Variants in ANO4 observed in about 807,000 individuals in gnomAD.
ANO4 encodes the protein anoctamin 4.
In ANO4, 69 loss-of-function variants were observed where a neutral mutation model predicts 141.9. The observed-to-expected ratio is 0.49, with a 90% CI of 0.40 to 0.59. ANO4 has a LOEUF of 0.59. Ranked by LOEUF, ANO4 falls within the 20% of genes least tolerant of loss-of-function variation. ANO4 has a pLI of 0.00. For synonymous variants in ANO4, 350 were observed against 394.3 expected, an observed-to-expected ratio of 0.89 and a Z score of 1.33; for missense variants, 894 against 1,162.2, an observed-to-expected ratio of 0.77 and a Z score of 3.36.
chr12:100,907,426 A>C (rs2040896186), intron 2 of ANO4, among the ~76,000 whole-genome samples: 2 of 152,184 alleles, frequency 1.3e-5, no homozygotes, highest in Admixed American at 6.5e-5. Flanking sequence ...TTATAGTCAG[A>C]ATTATTCCCC....
At chr12:101,094,337 G>T in intron 18 of ANO4, 45 bp downstream of exon 18, 1 of 1,509,392 alleles carries the variant, frequency 6.6e-7, no homozygotes, top group Non-Finnish European at 9.1e-7. Context: ...CTGTGGGCTA[G>T]AGAGTATGGT....
intron 9 of ANO4, among the ~76,000 whole-genome samples, chr12:101,031,866 A>G (rs552017101): frequency 1.3e-5 from 2 of 152,346 alleles, no homozygotes; most frequent in South Asian, 4.1e-4. Flanking sequence ...CTAGGAATAC[A>G]GCTAACAAGG....
intron 14 of ANO4, among the ~76,000 whole-genome samples, chr12:101,063,778 T>TTTTTTTTA (rs2048456888): frequency 7.9e-6 from 1 of 126,428 alleles, no homozygotes; most frequent in African/African-American, 3.1e-5. Context: ...TTTTTTTTTT[T>TTTTTTTTA]GCCTTTGAAA....
At chr12:101,022,984 C>T (rs1593043174) in intron 9 of ANO4, among the ~76,000 whole-genome samples, 1 of 152,268 alleles carries the variant, frequency 6.6e-6, no homozygotes, top group Non-Finnish European at 1.5e-5. Context: ...TGTGATCCGC[C>T]TGCCTCGGCC....
chr12:101,044,540 G>A (rs2047547777), intron 13 of ANO4, among the ~76,000 whole-genome samples: 2 of 152,146 alleles, frequency 1.3e-5, no homozygotes, highest in South Asian at 4.1e-4. Context: ...AGATATAAAT[G>A]GCATTGGCAG....
chr12:100,979,430 T>A (rs781210648), intron 7 of ANO4, among the ~76,000 whole-genome samples: 1 of 152,112 alleles, frequency 6.6e-6, no homozygotes, highest in Non-Finnish European at 1.5e-5. Context: ...TGTGCTGATG[T>A]TACTGATCCT....
intron 1 of ANO4, among the ~76,000 whole-genome samples, chr12:100,826,282 A>G (rs915200152): frequency 1.4e-4 from 12 of 83,836 alleles, no homozygotes; most frequent in African/African-American, 6.0e-4. Flanking sequence ...ATGTTTGAAG[A>G]TGGAATTGAG....
At chr12:101,014,996 A>T (rs1593017689) in intron 8 of ANO4, among the ~76,000 whole-genome samples, 1 of 143,524 alleles carries the variant, frequency 7.0e-6, no homozygotes, top group Non-Finnish European at 1.5e-5. Flanking sequence ...CACCCAGCTA[A>T]TTTTTTTTTT....
At chr12:100,834,636 G>A (rs909130318) in intron 1 of ANO4, among the ~76,000 whole-genome samples, 1 of 152,038 alleles carries the variant, frequency 6.6e-6, no homozygotes, top group Non-Finnish European at 1.5e-5. Context: ...CTTGTATTTT[G>A]GTGGCAAGGT....
At chr12:100,970,188 C>T (rs1386749063) in intron 5 of ANO4, among the ~76,000 whole-genome samples, 1 of 152,216 alleles carries the variant, frequency 6.6e-6, no homozygotes, top group Non-Finnish European at 1.5e-5. Flanking sequence ...CCAACTTTTG[C>T]TTTTGCCTGG....
intron 27 of ANO4, 94 bp downstream of exon 27, chr12:101,127,168 C>T (rs2051355815): frequency 8.0e-7 from 1 of 1,244,284 alleles, no homozygotes; most frequent in Non-Finnish European, 1.1e-6. Context: ...GTTGCAGTAA[C>T]AGGGATCAAA....
chr12:100,873,094 C>G (rs1233665418), intron 1 of ANO4, among the ~76,000 whole-genome samples: 1 of 152,192 alleles, frequency 6.6e-6, no homozygotes, highest in Non-Finnish European at 1.5e-5. Flanking sequence ...TTGAGGCCTC[C>G]CCAGCCATGC....
intron 14 of ANO4, among the ~76,000 whole-genome samples, chr12:101,065,255 T>C (rs1410539553): frequency 3.3e-5 from 5 of 152,074 alleles, no homozygotes; most frequent in Non-Finnish European, 7.4e-5. Context: ...GTGCAATATA[T>C]ATATAAGGTT....
rs77504785 is a variant in ANO4, at chr12:100,941,838, C to G, written c.298-539C>G. Among the ~76,000 whole-genome samples the G allele has an allele frequency of 7.5e-3, 1,144 of 151,918 alleles. 14 individuals are homozygous for G. Among genetic ancestry groups the G allele is most frequent in the African/African-American group, 0.026 (1,081 of 41,478 alleles). ...GTTGCATCACATTCTTGGCTACACA[C>G]GGTATTTTTAGATGTTTTACATTTT... On this transcript the variant is annotated intron_variant, in intron 4 of 27. Transcript: ENST00000392977.
At chr12:101,095,419 C>T (rs1446652903) in intron 18 of ANO4, among the ~76,000 whole-genome samples, 1 of 152,164 alleles carries the variant, frequency 6.6e-6, no homozygotes, top group Non-Finnish European at 1.5e-5. Flanking sequence ...GGTGGGGACA[C>T]CTGGGAACCT....
At chr12:100,762,787 G>A (rs536111647) in intron 3 of ANO4, among the ~76,000 whole-genome samples, 25 of 152,260 alleles carry the variant, frequency 1.6e-4, no homozygotes, top group Admixed American at 4.6e-4. Flanking sequence ...GCCATGCCTC[G>A]TCTGTGGACA....
intron 8 of ANO4, among the ~76,000 whole-genome samples, chr12:101,004,273 C>T (rs181912100): frequency 1.3e-5 from 2 of 151,968 alleles, no homozygotes; most frequent in African/African-American, 2.4e-5. Context: ...TTGGGGTTAT[C>T]GGAACCAAGA....
intron 3 of ANO4, among the ~76,000 whole-genome samples, chr12:100,933,365 C>T (rs560021316): frequency 1.2e-4 from 19 of 152,146 alleles, no homozygotes; most frequent in Non-Finnish European, 2.4e-4. Context: ...TGAGAGCATG[C>T]GGTGTTTGGC....
At chr12:100,862,602 G>A (rs1477313824) in intron 1 of ANO4, among the ~76,000 whole-genome samples, 1 of 147,012 alleles carries the variant, frequency 6.8e-6, no homozygotes, top group Non-Finnish European at 1.5e-5. Context: ...GATTACAGGC[G>A]TGAGCCACTG....
Sources: allele counts gnomAD v4.1 joint callset (sites outside exome capture counted in the v4.1 genomes callset), GRCh38; gene constraint gnomAD v4.1.1; transcripts MANE v1.5; gene names NCBI Gene and HGNC (gene_info 2026-07-23, HGNC 2026-07-21).